ME1: variants seen among roughly 807,000 people sequenced by gnomAD.
ME1 encodes malic enzyme 1.
In ME1, 74 loss-of-function variants were observed where a neutral mutation model predicts 66.4. That is an observed-to-expected ratio of 1.11 (90% CI 0.92 to 1.35). The LOEUF (loss-of-function observed/expected upper bound fraction) is 1.35, where lower values mean the gene tolerates loss of function less well. Among genes scored for constraint, ME1 ranks in the 40% most tolerant of loss-of-function variants. The pLI, the probability that ME1 is intolerant of heterozygous loss-of-function variation, is 0.00. For synonymous variants in ME1, 251 were observed against 235.6 expected (o/e 1.07, Z -0.60); for missense variants, 750 against 694.1 (o/e 1.08, Z -0.90).
chr6:83,286,672 C>A (rs549649176), intron 6 of ME1, among the ~76,000 whole-genome samples: 3 of 152,214 alleles, frequency 2.0e-5, no homozygotes, highest in Admixed American at 2.0e-4. Context: ...AAAGAAAATT[C>A]TTTTGCATTT....
At chr6:83,237,311 AAAGAAAAGGAAGGAAAGG>A (rs1790430815) in intron 9 of ME1, among the ~76,000 whole-genome samples, 1 of 128,162 alleles carries the variant, frequency 7.8e-6, no homozygotes, top group African/African-American at 3.3e-5. Flanking sequence ...AAAAAGAAAG[AAAGAAAAGGAAGGAAAGG>A]AAGGAAGGAA....
intron 6 of ME1, among the ~76,000 whole-genome samples, chr6:83,282,014 G>C (rs1359151121): frequency 1.3e-4 from 19 of 149,378 alleles, no homozygotes. Flanking sequence ...CTCACTTAAG[G>C]AATTTCTAAA....
At chr6:83,264,093 C>A (rs1766946281) in intron 6 of ME1, among the ~76,000 whole-genome samples, 1 of 152,156 alleles carries the variant, frequency 6.6e-6, no homozygotes, top group African/African-American at 2.4e-5. Flanking sequence ...TGACATTAAT[C>A]TGAAGCCAAT....
chr6:83,263,232 ACTCT>A (rs1279368576), intron 6 of ME1, among the ~76,000 whole-genome samples: 2 of 152,024 alleles, frequency 1.3e-5, no homozygotes, highest in East Asian at 3.9e-4. Flanking sequence ...CACACCCATG[ACTCT>A]CTCCTTCTCC....
At chr6:83,258,642 A>G (rs1389060340) in intron 6 of ME1, among the ~76,000 whole-genome samples, 1 of 152,224 alleles carries the variant, frequency 6.6e-6, no homozygotes, top group Non-Finnish European at 1.5e-5. Context: ...TAATCACTAT[A>G]TCTAGCACTA....
chr6:83,425,176 T>G (rs928036026), intron 1 of ME1, among the ~76,000 whole-genome samples: 2 of 151,956 alleles, frequency 1.3e-5, no homozygotes, highest in African/African-American at 4.8e-5. Context: ...TTTTCTTTTT[T>G]GTAAAGATGG....
chr6:83,291,709 A>C (rs1397179900), intron 6 of ME1, among the ~76,000 whole-genome samples: 3 of 151,924 alleles, frequency 2.0e-5, no homozygotes, highest in Admixed American at 6.6e-5. Context: ...TATCCTGAAG[A>C]GTGTTTTCTA....
intron 3 of ME1, among the ~76,000 whole-genome samples, chr6:83,357,256 G>C (rs1768908549): frequency 6.6e-6 from 1 of 152,094 alleles, no homozygotes; most frequent in Admixed American, 6.6e-5. Flanking sequence ...GCGTCCTCCA[G>C]GCTTCTTTAC....
intron 12 of ME1, 61 bp from the exon 13 acceptor site, chr6:83,216,657 C>T (rs749887453): frequency 5.7e-5 from 62 of 1,085,338 alleles, no homozygotes; most frequent in African/African-American, 1.4e-4. Context: ...GTGGTGGGTA[C>T]GCCAATAACT....
chr6:83,357,399 T>C (rs1385217644), intron 3 of ME1, among the ~76,000 whole-genome samples: 1 of 152,240 alleles, frequency 6.6e-6, no homozygotes, highest in Non-Finnish European at 1.5e-5. Context: ...TAGTTTATTA[T>C]CTTATTCAAC....
At chr6:83,300,592 A>G (rs374611347) in intron 6 of ME1, among the ~76,000 whole-genome samples, 2 of 106,284 alleles carry the variant, frequency 1.9e-5, no homozygotes, top group East Asian at 2.6e-4. Flanking sequence ...TTTTTCTTTT[A>G]TTTTCCTTTC....
intron 6 of ME1, among the ~76,000 whole-genome samples, chr6:83,303,121 A>G (rs1767758178): frequency 6.6e-6 from 1 of 152,178 alleles, no homozygotes; most frequent in African/African-American, 2.4e-5. Flanking sequence ...ATGGGGTCAC[A>G]GAAGAGACCC....
At chr6:83,222,322 C>T (rs1051889533) in intron 12 of ME1, among the ~76,000 whole-genome samples, 1 of 152,184 alleles carries the variant, frequency 6.6e-6, no homozygotes, top group Non-Finnish European at 1.5e-5. Context: ...ATTATTGCTT[C>T]CAAGCATCTG....
At chr6:83,310,898 T>C (rs1767917925) in intron 6 of ME1, among the ~76,000 whole-genome samples, 2 of 152,040 alleles carry the variant, frequency 1.3e-5, no homozygotes, top group African/African-American at 2.4e-5. Context: ...ATATTCAAGC[T>C]CCCAAACTCA....
intron 4 of ME1, among the ~76,000 whole-genome samples, chr6:83,351,229 TA>T (rs1768797281): frequency 6.6e-6 from 1 of 152,030 alleles, no homozygotes; most frequent in South Asian, 2.1e-4. Context: ...ACTTTGTCTC[TA>T]AAAAAATTAA....
chr6:83,349,791 C>A (rs1768763382), intron 4 of ME1, among the ~76,000 whole-genome samples: 2 of 152,086 alleles, frequency 1.3e-5, no homozygotes, highest in African/African-American at 2.4e-5. Context: ...AATTTGATTA[C>A]CCCTTAAACA....
intron 2 of ME1, among the ~76,000 whole-genome samples, chr6:83,399,770 G>T (rs184378572): frequency 6.6e-6 from 1 of 152,202 alleles, no homozygotes; most frequent in Non-Finnish European, 1.5e-5. Flanking sequence ...AATCTTACCA[G>T]CCATTTTGAA....
At chr6:83,243,876 T>C (rs1790564614) in intron 7 of ME1, among the ~76,000 whole-genome samples, 3 of 112,596 alleles carry the variant, frequency 2.7e-5, no homozygotes, top group South Asian at 4.8e-4. Context: ...TCTCTCTCTA[T>C]ATGTGTGTGT....
intron 3 of ME1, among the ~76,000 whole-genome samples, chr6:83,359,336 A>T (rs1019930603): frequency 2.0e-5 from 3 of 152,200 alleles, no homozygotes; most frequent in African/African-American, 7.2e-5. Context: ...AGTGTGACCC[A>T]TGAGGAGGTG....
Sources: allele counts gnomAD v4.1 joint callset (sites outside exome capture counted in the v4.1 genomes callset), GRCh38; gene constraint gnomAD v4.1.1; transcripts MANE v1.5; gene names NCBI Gene and HGNC (gene_info 2026-07-23, HGNC 2026-07-21).